Variants in FMN1 observed in about 807,000 individuals in gnomAD.
FMN1 encodes the protein formin 1, also known as formin-1.
Under a neutral mutation model 132.4 loss-of-function variants are expected in FMN1, and 110 were observed. That is an observed-to-expected ratio of 0.83 (90% confidence interval 0.71 to 0.97). The LOEUF is 0.97. Ranked by LOEUF, FMN1 falls within the 50% of genes least tolerant of loss-of-function variation. FMN1 has a pLI of 0.00. For synonymous variants in FMN1, 722 were observed against 651.7 expected (o/e 1.11, Z -1.64); for missense variants, 1,792 against 1,705.3 (o/e 1.05, Z -0.90).
intron 7 of FMN1, among the ~76,000 whole-genome samples, chr15:33,002,663 C>T (rs2034184373): frequency 6.6e-6 from 1 of 152,120 alleles, no homozygotes; most frequent in Non-Finnish European, 1.5e-5. Flanking sequence ...AGGTTGAAGT[C>T]ATACAAGAAA....
chr15:32,995,576 G>A (rs761843689), intron 7 of FMN1, among the ~76,000 whole-genome samples: 1 of 152,080 alleles, frequency 6.6e-6, no homozygotes, highest in Non-Finnish European at 1.5e-5. Context: ...TGCAACAAAT[G>A]TTATCTGTTA....
intron 6 of FMN1, among the ~76,000 whole-genome samples, chr15:33,016,690 C>T (rs71462836): frequency 0.1 from 15,211 of 152,212 alleles, 835 homozygotes; most frequent in East Asian, 0.19. Context: ...GCACACACGT[C>T]AGCAAAAGCA....
In FMN1 at chr15:32,772,968, T is replaced by A. The variant is rs1384564002; in HGVS notation, c.*1342A>T. The A allele has an allele frequency of 6.7e-6, 1 of 148,976 alleles. No individual in the cohort carries two copies. Among genetic ancestry groups the A allele is most frequent in the African/African-American group, 2.5e-5 (1 of 40,334 alleles). 9.2% of individuals were successfully genotyped at this position (148,976 alleles called of 1,614,324 possible). A position where few individuals can be genotyped will look rare whatever the true frequency, so the allele number is the denominator to read the frequency against. On this transcript the variant is annotated 3_prime_UTR_variant, in exon 21 of 21. Coordinates refer to ENST00000616417, the MANE Select transcript of FMN1 (RefSeq NM_001277313.2). ...ATTTCTGCTCATCTCTGGACTGTCC[T>A]CCACCAATTGGGGGGAGAAAGCTCG...
intron 16 of FMN1, among the ~76,000 whole-genome samples, chr15:32,863,760 G>A (rs1388227108): frequency 1.3e-5 from 2 of 152,164 alleles, no homozygotes; most frequent in Non-Finnish European, 2.9e-5. Flanking sequence ...TGGGGTGGGA[G>A]GACGTGGTTA....
At chr15:32,892,085 G>C (rs2060045381) in intron 15 of FMN1, among the ~76,000 whole-genome samples, 1 of 152,064 alleles carries the variant, frequency 6.6e-6, no homozygotes, top group Non-Finnish European at 1.5e-5. Context: ...AGGACTTCCA[G>C]TACTATGTTG....
chr15:33,005,325 A>ACT (rs2034358040), intron 7 of FMN1, among the ~76,000 whole-genome samples: 4 of 152,312 alleles, frequency 2.6e-5, no homozygotes, highest in Admixed American at 2.6e-4. Flanking sequence ...ACAGTTGTTT[A>ACT]AGTGTACTAG....
At chr15:32,978,553 A>G (rs2032395146) in intron 7 of FMN1, among the ~76,000 whole-genome samples, 1 of 152,232 alleles carries the variant, frequency 6.6e-6, no homozygotes, top group Admixed American at 6.5e-5. Flanking sequence ...CTATTAAAAG[A>G]GAGAACTTGC....
At chr15:33,131,905 G>A (rs1383534514) in intron 4 of FMN1, among the ~76,000 whole-genome samples, 1 of 152,152 alleles carries the variant, frequency 6.6e-6, no homozygotes, top group Non-Finnish European at 1.5e-5. Flanking sequence ...ATACTAGTCT[G>A]AATAGCACGG....
intron 15 of FMN1, among the ~76,000 whole-genome samples, chr15:32,890,828 G>A (rs1043892057): frequency 6.6e-6 from 1 of 152,188 alleles, no homozygotes; most frequent in African/African-American, 2.4e-5. Flanking sequence ...CCAACATCTA[G>A]AAGGGTTTTT....
At chr15:32,940,475 T>C (rs2061378174) in intron 9 of FMN1, among the ~76,000 whole-genome samples, 1 of 151,796 alleles carries the variant, frequency 6.6e-6, no homozygotes, top group Non-Finnish European at 1.5e-5. Flanking sequence ...AGGGCAAACA[T>C]ATATAAATAA....
chr15:32,976,964 T>C (rs2032259145), intron 7 of FMN1, among the ~76,000 whole-genome samples: 2 of 152,210 alleles, frequency 1.3e-5, no homozygotes, highest in Non-Finnish European at 2.9e-5. Context: ...CGTTAATCTG[T>C]ATAAGATCCC....
chr15:32,986,931 T>C (rs533285599), intron 7 of FMN1, among the ~76,000 whole-genome samples: 53 of 152,316 alleles, frequency 3.5e-4, no homozygotes, highest in African/African-American at 1.2e-3. Context: ...AAATCTGACT[T>C]ATTTCCTAAC....
intron 6 of FMN1, among the ~76,000 whole-genome samples, chr15:33,042,043 AT>A (rs2036464885): frequency 6.6e-6 from 1 of 151,540 alleles, no homozygotes; most frequent in Non-Finnish European, 1.5e-5. Flanking sequence ...CCTAAAAAAA[AT>A]CCAATGCTCT....
intron 6 of FMN1, among the ~76,000 whole-genome samples, chr15:33,049,750 T>A (rs1284496736): frequency 6.6e-6 from 1 of 152,210 alleles, no homozygotes; most frequent in Non-Finnish European, 1.5e-5. Flanking sequence ...ACTGTCCAAA[T>A]CGTGTTCAAA....
At chr15:33,169,244 TA>T (rs1277401140) in intron 3 of FMN1, among the ~76,000 whole-genome samples, 2 of 152,198 alleles carry the variant, frequency 1.3e-5, no homozygotes, top group Non-Finnish European at 1.5e-5. Flanking sequence ...ATGAAACTAA[TA>T]AAAAAGCCAA....
At chr15:32,811,110 G>A (rs2057861860) in intron 17 of FMN1, 1 of 456,542 alleles carries the variant, frequency 2.2e-6, no homozygotes, top group Non-Finnish European at 4.4e-6. Flanking sequence ...GAAAGGGATG[G>A]CCTTTTAACA....
At chr15:32,928,792 C>T (rs1247097488) in intron 9 of FMN1, among the ~76,000 whole-genome samples, 2 of 152,162 alleles carry the variant, frequency 1.3e-5, no homozygotes, top group African/African-American at 2.4e-5. Flanking sequence ...CAAATGAACA[C>T]GCACCAAGCT....
At chr15:32,951,999 C>T (rs1215506486) in intron 9 of FMN1, among the ~76,000 whole-genome samples, 1 of 152,196 alleles carries the variant, frequency 6.6e-6, no homozygotes. Flanking sequence ...GAGGCAAACG[C>T]CCAGATCTCA....
intron 17 of FMN1, among the ~76,000 whole-genome samples, chr15:32,840,741 A>T (rs2058728340): frequency 6.6e-6 from 1 of 152,172 alleles, no homozygotes; most frequent in South Asian, 2.1e-4. Flanking sequence ...TACAAACATG[A>T]GAGGAAGCTG....
Sources: gnomAD v4.1 joint callset for allele counts (sites outside exome capture counted in the v4.1 genomes callset) on GRCh38, gnomAD v4.1.1 for gene constraint, MANE v1.5 for transcripts, NCBI Gene and HGNC (gene_info 2026-07-23, HGNC 2026-07-21) for gene names.